MTA3: variants seen among roughly 807,000 people sequenced by gnomAD.
MTA3 encodes the protein metastasis-associated protein MTA3.
MTA3 carries 34 observed loss-of-function variants against 83.5 expected under a neutral mutation model. The observed-to-expected ratio is 0.41, with a 90% confidence interval of 0.31 to 0.54. MTA3 has a LOEUF of 0.54. MTA3 is among the 20% of genes least tolerant of loss of function. MTA3 has a pLI of 0.33. For synonymous variants in MTA3, 303 were observed against 252.7 expected, an observed-to-expected ratio of 1.20 and a Z score of -1.89; for missense variants, 761 against 726.4, an observed-to-expected ratio of 1.05 and a Z score of -0.55.
intron 8 of MTA3, among the ~76,000 whole-genome samples, chr2:42,668,350 C>T (rs1230233141): frequency 6.6e-6 from 1 of 152,192 alleles, no homozygotes; most frequent in Non-Finnish European, 1.5e-5. Flanking sequence ...TTGGGCCCTT[C>T]TGGCTCTTAA....
chr2:42,728,754 T>C (rs1480581569), intron 16 of MTA3, among the ~76,000 whole-genome samples: 1 of 152,238 alleles, frequency 6.6e-6, no homozygotes, highest in Non-Finnish European at 1.5e-5. Flanking sequence ...TTTGTATGTC[T>C]TCTTTTGAGA....
chr2:42,516,468 C>T (rs1267333393), intron 2 of MTA3, among the ~76,000 whole-genome samples: 1 of 152,208 alleles, frequency 6.6e-6, no homozygotes, highest in Non-Finnish European at 1.5e-5. Flanking sequence ...GTCCAGGTTA[C>T]TCCTTTTCTC....
intron 2 of MTA3, among the ~76,000 whole-genome samples, chr2:42,577,265 G>GA (rs1406051142): frequency 6.6e-6 from 1 of 151,564 alleles, no homozygotes; most frequent in Non-Finnish European, 1.5e-5. Flanking sequence ...AAGAATGCTG[G>GA]AGAGGGTGTG....
intron 2 of MTA3, among the ~76,000 whole-genome samples, chr2:42,521,216 A>G (rs972580788): frequency 6.6e-6 from 1 of 152,112 alleles, no homozygotes; most frequent in African/African-American, 2.4e-5. Flanking sequence ...CTCTGAGGGG[A>G]GCCAGCTGCC....
At chr2:42,718,922 G>C (rs1411426594) in intron 14 of MTA3, 66 bp from the exon 15 acceptor site, 3 of 1,138,934 alleles carry the variant, frequency 2.6e-6, no homozygotes, top group Non-Finnish European at 3.9e-6. Context: ...TTATTTCTGT[G>C]GTGCATGTAG....
chr2:42,572,087 C>T (rs1049712996), intron 2 of MTA3, among the ~76,000 whole-genome samples: 5 of 151,954 alleles, frequency 3.3e-5, no homozygotes, highest in African/African-American at 1.2e-4. Flanking sequence ...ACCATCCTGG[C>T]TAACATAGTG....
intron 6 of MTA3, among the ~76,000 whole-genome samples, chr2:42,652,243 G>A (rs1688786128): frequency 6.6e-6 from 1 of 152,148 alleles, no homozygotes; most frequent in Non-Finnish European, 1.5e-5. Context: ...AAGTGTCTAT[G>A]TCAGATCTTT....
intron 8 of MTA3, among the ~76,000 whole-genome samples, chr2:42,673,407 G>A (rs954906099): frequency 6.6e-6 from 1 of 152,050 alleles, no homozygotes; most frequent in Admixed American, 6.6e-5. Context: ...TTTACAATGG[G>A]TTTATCAGGG....
Position 42,527,121 on chromosome 2 carries a change from C to T in MTA3, c.-141+31867C>T, listed in dbSNP as rs1307349263. Among the ~76,000 whole-genome samples the T allele has an allele frequency of 4.6e-5, 7 of 150,858 alleles. No homozygotes were observed. The East Asian group carries it at 1.2e-3, about 25-fold the overall frequency. On this transcript the variant is annotated intron_variant, in intron 2 of 17. Coordinates refer to the MTA3 transcript ENST00000405592. The stretch of plus-strand genomic sequence containing the variant: ...CGGACTAGAGGTTACAAATGTACTC[C>T]GAGTTTCCAGAAAACCCCTACTTCT...
chr2:42,687,995 T>C (rs897539804), intron 9 of MTA3, among the ~76,000 whole-genome samples: 1 of 152,234 alleles, frequency 6.6e-6, no homozygotes, highest in African/African-American at 2.4e-5. Flanking sequence ...CAAGGGTTTT[T>C]CCCATCCTTG....
At position 42,619,597 on chromosome 2, in the gene MTA3, C is replaced by T. The variant is rs138975162; in HGVS notation, c.317+10013C>T. The stretch of plus-strand genomic sequence containing the variant: ...TATTTGAGTTTCCCCCACATTGACC[C>T]AGTGATTCAATGTAGTTCCAAATAA... On this transcript the variant is annotated intron_variant, in intron 4 of 16. Transcript: ENST00000405094. Among the ~76,000 whole-genome samples the T allele has an allele frequency of 3.7e-3, 564 of 152,148 alleles. 18 individuals are homozygous for T. Among genetic ancestry groups the T allele is most frequent in the East Asian group, 9.6e-4 (5 of 5,192 alleles).
chr2:42,629,108 C>G (rs1001979243), intron 4 of MTA3, among the ~76,000 whole-genome samples: 2 of 152,058 alleles, frequency 1.3e-5, no homozygotes, highest in African/African-American at 4.8e-5. Context: ...GAGACGGAGT[C>G]TTGCTCTGTG....
chr2:42,502,771 T>G (rs1462726339), intron 2 of MTA3, among the ~76,000 whole-genome samples: 3 of 117,548 alleles, frequency 2.6e-5, no homozygotes, highest in African/African-American at 3.6e-5. Context: ...CACTCCAGCC[T>G]GGGCAACAAG....
At chr2:42,699,641 G>A (rs1693689077) in intron 11 of MTA3, among the ~76,000 whole-genome samples, 1 of 152,062 alleles carries the variant, frequency 6.6e-6, no homozygotes, top group African/African-American at 2.4e-5. Flanking sequence ...TATGGCGGGC[G>A]GGGGTGTCAA....
At chr2:42,660,040 G>C (rs1689529412) in intron 8 of MTA3, among the ~76,000 whole-genome samples, 178 bp downstream of exon 8, 1 of 151,580 alleles carries the variant, frequency 6.6e-6, no homozygotes, top group Non-Finnish European at 1.5e-5. Flanking sequence ...TCTGTGAGTT[G>C]AGAGTTTTTT....
upstream of MTA3, among the ~76,000 whole-genome samples, chr2:42,563,836 C>CT (rs1553342611): frequency 2.8e-5 from 4 of 143,490 alleles, no homozygotes; most frequent in Non-Finnish European, 6.1e-5. Context: ...TCCTTCCTTT[C>CT]TTTTTTGATG....
At chr2:42,499,280 G>A (rs1469029897) in intron 2 of MTA3, among the ~76,000 whole-genome samples, 1 of 151,254 alleles carries the variant, frequency 6.6e-6, no homozygotes, top group African/African-American at 2.4e-5. Flanking sequence ...CGATTCTCCT[G>A]CCTCAGCCTC....
At chr2:42,584,382 T>G (rs1420913504) in intron 3 of MTA3, among the ~76,000 whole-genome samples, 1 of 152,198 alleles carries the variant, frequency 6.6e-6, no homozygotes, top group Non-Finnish European at 1.5e-5. Flanking sequence ...ATAACATCTT[T>G]CAAACTTAAA....
chr2:42,594,758 A>C, intron 3 of MTA3, among the ~76,000 whole-genome samples: 1 of 33,754 alleles, frequency 3.0e-5, no homozygotes, highest in African/African-American at 1.7e-4. Context: ...ACAGAGTCTC[A>C]CTCTGTTGCC....
Sources: gnomAD v4.1 joint callset for allele counts (sites outside exome capture counted in the v4.1 genomes callset) on GRCh38, gnomAD v4.1.1 for gene constraint, MANE v1.5 for transcripts, NCBI Gene and HGNC (gene_info 2026-07-23, HGNC 2026-07-21) for gene names.